EPHA5: variants seen among roughly 807,000 people sequenced by gnomAD.
EPHA5 encodes the protein EPH receptor A5.
Under a neutral mutation model 105.0 loss-of-function variants are expected in EPHA5, and 60 were observed. The ratio of observed to expected loss-of-function variants is 0.57; its 90% CI spans 0.46 to 0.71. EPHA5 has a LOEUF of 0.71. EPHA5 is among the 30% of genes least tolerant of loss of function. The probability of loss-of-function intolerance (pLI) is 0.00; values close to 1 mark genes in which losing one functional copy is unlikely to be tolerated. For missense variants in EPHA5, 1,218 were observed against 1,274.7 expected (o/e 0.96, Z 0.68); for synonymous variants, 513 against 449.1 (o/e 1.14, Z -1.80).
chr4:65,582,168 A>G (rs980359278), intron 3 of EPHA5, among the ~76,000 whole-genome samples: 15 of 151,708 alleles, frequency 9.9e-5, no homozygotes, highest in Non-Finnish European at 2.2e-4. Flanking sequence ...ATAATTTAAT[A>G]ACTTGAAACC....
At chr4:65,328,567 G>T (rs148347267) in intron 16 of EPHA5, among the ~76,000 whole-genome samples, 3 of 151,284 alleles carry the variant, frequency 2.0e-5, no homozygotes, top group African/African-American at 7.2e-5. Flanking sequence ...GGAGAAGGGA[G>T]AAGACAGATT....
chr4:65,512,172 A>G lies in EPHA5; in HGVS notation c.911-16629T>C, dbSNP rs549534393. On this transcript the variant is annotated intron_variant, in intron 3 of 16. Coordinates refer to ENST00000613740, the MANE Select transcript of EPHA5 (RefSeq NM_001281766.3). The stretch of plus-strand genomic sequence containing the variant: ...TCTTTGTTTAAATATGAGGTAAAAC[A>G]TGATCACTTACAGGTGAAGTGTGGA... Among the ~76,000 whole-genome samples the G allele has an allele frequency of 7.9e-5, 12 of 152,340 alleles. 1 individual carries two copies. The highest frequency in any genetic ancestry group is 2.4e-4 in the African/African-American group (10 of 41,582).
At chr4:65,549,629 A>G (rs536192637) in intron 3 of EPHA5, among the ~76,000 whole-genome samples, 1 of 152,232 alleles carries the variant, frequency 6.6e-6, no homozygotes, top group African/African-American at 2.4e-5. Context: ...TTGTAGGGCA[A>G]CCCTTTAAAA....
At chr4:65,535,116 A>G (rs1038009054) in intron 3 of EPHA5, among the ~76,000 whole-genome samples, 1 of 152,230 alleles carries the variant, frequency 6.6e-6, no homozygotes, top group African/African-American at 2.4e-5. Flanking sequence ...ACTAGTAAGT[A>G]TGAATTTCCA....
intron 2 of EPHA5, among the ~76,000 whole-genome samples, chr4:65,642,000 C>T (rs976518410): frequency 6.6e-6 from 1 of 152,006 alleles, no homozygotes; most frequent in Non-Finnish European, 1.5e-5. Context: ...ACAGCAACTA[C>T]AACACCATAC....
intron 8 of EPHA5, among the ~76,000 whole-genome samples, chr4:65,385,210 G>C (rs1196945660): frequency 6.6e-6 from 1 of 151,548 alleles, no homozygotes; most frequent in Non-Finnish European, 1.5e-5. Context: ...AAAAATATGA[G>C]TGGGTTCAAA....
At chr4:65,353,906 A>G (rs993319085) in intron 11 of EPHA5, among the ~76,000 whole-genome samples, 1 of 151,768 alleles carries the variant, frequency 6.6e-6, no homozygotes, top group Non-Finnish European at 1.5e-5. Context: ...AGATTTCCTT[A>G]GCAGTCATTA....
At chr4:65,498,345 C>G (rs1732148711) in intron 3 of EPHA5, among the ~76,000 whole-genome samples, 1 of 151,852 alleles carries the variant, frequency 6.6e-6, no homozygotes, top group Admixed American at 6.6e-5. Context: ...CTCACCCCAG[C>G]TTTATTAAGG....
chr4:65,501,688 G>A (rs1270565886), intron 3 of EPHA5, among the ~76,000 whole-genome samples: 1 of 151,556 alleles, frequency 6.6e-6, no homozygotes, highest in Non-Finnish European at 1.5e-5. Context: ...GCAAACCAAT[G>A]TACAGATTCA....
chr4:65,657,431 G>A (rs11131608), intron 1 of EPHA5, among the ~76,000 whole-genome samples: 130,616 of 152,144 alleles, frequency 0.86, 56,489 homozygotes, highest in Non-Finnish European at 0.91. Flanking sequence ...TTACAAAGAG[G>A]TAGTGACCAC....
intron 3 of EPHA5, among the ~76,000 whole-genome samples, chr4:65,576,416 C>T (rs1741059369): frequency 2.0e-5 from 3 of 152,118 alleles, no homozygotes; most frequent in Admixed American, 2.0e-4. Flanking sequence ...TTTGGTTCAT[C>T]CAATATATTG....
chr4:65,428,326 A>T (rs546171828), intron 5 of EPHA5, among the ~76,000 whole-genome samples: 1 of 152,250 alleles, frequency 6.6e-6, no homozygotes, highest in South Asian at 2.1e-4. Context: ...ATATACTTAC[A>T]TACTTAGTAT....
At chr4:65,447,946 A>G (rs1047715008) in intron 5 of EPHA5, among the ~76,000 whole-genome samples, 1 of 152,188 alleles carries the variant, frequency 6.6e-6, no homozygotes, top group African/African-American at 2.4e-5. Flanking sequence ...CAAGAACATA[A>G]GATTTAAAGA....
At chr4:65,489,664 C>A (rs1327387655) in intron 5 of EPHA5, among the ~76,000 whole-genome samples, 1 of 152,042 alleles carries the variant, frequency 6.6e-6, no homozygotes, top group Non-Finnish European at 1.5e-5. Context: ...TTTATCTTAC[C>A]AGGAAAGAAG....
chr4:65,592,273 C>T (rs1343972124), intron 3 of EPHA5, among the ~76,000 whole-genome samples: 1 of 152,012 alleles, frequency 6.6e-6, no homozygotes, highest in African/African-American at 2.4e-5. Context: ...TGTCAATCCA[C>T]ACAGGGCAGA....
Position 65,348,694 on chromosome 4 carries a change from ATAT to A in EPHA5, c.2446-494_2446-492del, listed in dbSNP as rs1560437884. ...TATATATATATATATATATATATAT[ATAT>A]AAAATATATATGTGTGTGTATATAT... On this transcript the variant is annotated intron_variant, in intron 13 of 16. Coordinates refer to ENST00000613740, the MANE Select transcript of EPHA5 (RefSeq NM_001281766.3). 1.6e-3 allele frequency among the ~76,000 whole-genome samples: 44 copies of A among 28,004 alleles called. 1 individual carries two copies. Among genetic ancestry groups the A allele is most frequent in the African/African-American group, 4.4e-3 (42 of 9,600 alleles). The allele number at this position is 28,004 out of a possible 152,430, so 18.4% of individuals were successfully genotyped here.
intron 5 of EPHA5, 133 bp from the exon 6 acceptor site, chr4:65,420,698 C>G (rs1389651997): frequency 1.4e-6 from 1 of 725,696 alleles, no homozygotes; most frequent in Middle Eastern, 4.1e-4. Flanking sequence ...TTTAGTTTTT[C>G]TATATAAGGT....
chr4:65,668,944 T>C (rs1750208316), intron 1 of EPHA5, among the ~76,000 whole-genome samples: 1 of 151,838 alleles, frequency 6.6e-6, no homozygotes, highest in African/African-American at 2.4e-5. Flanking sequence ...CACCCAACTG[T>C]GTGGGGCGCC....
intron 14 of EPHA5, among the ~76,000 whole-genome samples, chr4:65,344,098 T>C (rs1721992081): frequency 6.6e-6 from 1 of 152,202 alleles, no homozygotes; most frequent in Admixed American, 6.5e-5. Flanking sequence ...TTTTATTCAC[T>C]TATCTATGCA....
Sources: allele counts gnomAD v4.1 joint callset (sites outside exome capture counted in the v4.1 genomes callset), GRCh38; gene constraint gnomAD v4.1.1; transcripts MANE v1.5; gene names NCBI Gene and HGNC (gene_info 2026-07-23, HGNC 2026-07-21).